Variants in CLVS2 observed in about 807,000 individuals in gnomAD.
The protein encoded by CLVS2 is clavesin-2.
In CLVS2, 19 loss-of-function variants were observed where a neutral mutation model predicts 29.0. That is an observed-to-expected ratio of 0.66 (90% CI 0.46 to 0.96). CLVS2 has a LOEUF of 0.96. CLVS2 is among the 40% of genes least tolerant of loss of function. CLVS2 has a pLI of 0.00. For synonymous variants in CLVS2, 161 were observed against 151.3 expected, an observed-to-expected ratio of 1.06 and a Z score of -0.47; for missense variants, 294 against 404.1, an observed-to-expected ratio of 0.73 and a Z score of 2.34.
At chr6:123,021,548 AT>A (rs1481897623) in intron 3 of CLVS2, among the ~76,000 whole-genome samples, 4 of 152,058 alleles carry the variant, frequency 2.6e-5, no homozygotes, top group Non-Finnish European at 5.9e-5. Context: ...TTACATATAT[AT>A]GATAAATGTT....
At chr6:123,033,548 C>T (rs1401886161) in intron 3 of CLVS2, among the ~76,000 whole-genome samples, 2 of 151,904 alleles carry the variant, frequency 1.3e-5, no homozygotes, top group Non-Finnish European at 2.9e-5. Context: ...AAGCTCAAAC[C>T]TTAGGCAAAA....
chr6:123,058,272 A>G (rs889354083), intron 5 of CLVS2, among the ~76,000 whole-genome samples: 3 of 152,138 alleles, frequency 2.0e-5, no homozygotes, highest in Non-Finnish European at 2.9e-5. Flanking sequence ...AGTCTTTCAC[A>G]CCACTGACAT....
intron 5 of CLVS2, among the ~76,000 whole-genome samples, chr6:123,056,373 C>G (rs914032102): frequency 5.9e-5 from 9 of 152,114 alleles, no homozygotes; most frequent in East Asian, 1.9e-4. Flanking sequence ...ATCCACCCCC[C>G]CAAACCATCC....
chr6:123,028,986 A>G (rs1358043994), intron 3 of CLVS2, among the ~76,000 whole-genome samples: 7 of 152,110 alleles, frequency 4.6e-5, no homozygotes, highest in Admixed American at 3.3e-4. Flanking sequence ...CCCTCATGGT[A>G]AGATTAGTGC....
At chr6:123,043,443 G>A (rs1170747316) in intron 3 of CLVS2, among the ~76,000 whole-genome samples, 3 of 152,038 alleles carry the variant, frequency 2.0e-5, no homozygotes, top group Non-Finnish European at 2.9e-5. Context: ...GGTGCTGGGC[G>A]CTACACCTTA....
chr6:123,048,600 T>C (rs753348030), intron 3 of CLVS2, 22 bp from the exon 4 acceptor site: 16 of 1,536,132 alleles, frequency 1.0e-5, no homozygotes, highest in Non-Finnish European at 1.4e-5. Context: ...TTTTGATTGT[T>C]TTTTTCTCCA....
intron 4 of CLVS2, among the ~76,000 whole-genome samples, chr6:123,052,730 G>T (rs1035469098): frequency 6.6e-6 from 1 of 150,906 alleles, no homozygotes; most frequent in Non-Finnish European, 1.5e-5. Context: ...TGAGAAAGTG[G>T]AAGAATAGTG....
intron 3 of CLVS2, among the ~76,000 whole-genome samples, chr6:123,035,960 G>C (rs1775147836): frequency 6.6e-6 from 1 of 152,134 alleles, no homozygotes; most frequent in South Asian, 2.1e-4. Context: ...TGAAAGGAAA[G>C]ACTGTAGATG....
At chr6:123,019,619 T>A (rs1774892894) in intron 3 of CLVS2, among the ~76,000 whole-genome samples, 1 of 151,918 alleles carries the variant, frequency 6.6e-6, no homozygotes, top group Non-Finnish European at 1.5e-5. Flanking sequence ...TTTCCAAACA[T>A]CCTGAATTTA....
chr6:123,031,198 T>G (rs1440585538), intron 3 of CLVS2, among the ~76,000 whole-genome samples: 1 of 152,130 alleles, frequency 6.6e-6, no homozygotes, highest in Non-Finnish European at 1.5e-5. Flanking sequence ...CTCAAACTCC[T>G]GGGTTCAAGT....
chr6:123,025,511 T>C (rs1562167721), intron 3 of CLVS2, among the ~76,000 whole-genome samples: 1 of 152,082 alleles, frequency 6.6e-6, no homozygotes, highest in African/African-American at 2.4e-5. Context: ...CTGAGTGGTA[T>C]AAAGGGTGAA....
chr6:123,029,841 C>A (rs1191513941), intron 3 of CLVS2, among the ~76,000 whole-genome samples: 1 of 152,196 alleles, frequency 6.6e-6, no homozygotes, highest in African/African-American at 2.4e-5. Context: ...CTTACAAATA[C>A]TGCCTGATGA....
chr6:123,042,726 A>G (rs1775250615), intron 3 of CLVS2, among the ~76,000 whole-genome samples: 1 of 152,182 alleles, frequency 6.6e-6, no homozygotes, highest in Non-Finnish European at 1.5e-5. Flanking sequence ...TTTCGTCAGG[A>G]AGGCAAGTGA....
At chr6:123,023,097 C>T (rs1031107100) in intron 3 of CLVS2, among the ~76,000 whole-genome samples, 10 of 152,030 alleles carry the variant, frequency 6.6e-5, no homozygotes, top group Non-Finnish European at 1.3e-4. Flanking sequence ...TACCTTAACT[C>T]AAAAAGAGTA....
chr6:123,019,969 CT>C (rs11358905), intron 3 of CLVS2, among the ~76,000 whole-genome samples: 143,191 of 151,364 alleles, frequency 0.95, 67,823 homozygotes, highest in East Asian at 1. Flanking sequence ...CTTACTCTGC[CT>C]TTTTTTTTTC....
At chr6:123,023,817 G>C (rs769400278) in intron 3 of CLVS2, among the ~76,000 whole-genome samples, 2 of 152,014 alleles carry the variant, frequency 1.3e-5, no homozygotes, top group African/African-American at 2.4e-5. Context: ...TTTAATTTTG[G>C]ATAGAATACT....
intron 5 of CLVS2, among the ~76,000 whole-genome samples, chr6:123,062,307 A>G (rs1395662416): frequency 1.3e-5 from 2 of 152,170 alleles, no homozygotes; most frequent in African/African-American, 4.8e-5. Flanking sequence ...TGTACTTTAA[A>G]TAAAGATGAT....
Position 122,997,848 on chromosome 6 carries a change from C to T in CLVS2, c.71C>T (p.Pro24Leu). 6.2e-7 allele frequency: 1 copy of T among 1,614,186 alleles called. No individual in the cohort carries two copies. Among genetic ancestry groups the T allele is most frequent in the Non-Finnish European group, 8.5e-7 (1 of 1,180,024 alleles). The change falls in exon 2 of 6, where the codon CCA (proline) becomes CTA (leucine). Residue 24 changes from proline (P) to leucine (L), a missense_variant. This residue lies in a region of CLVS2 where 212 missense variants were observed against 336.4 expected (regional missense o/e 0.63). Transcript: ENST00000275162. ...EKARLELNENPDTLHQDIQEV... is the reference protein window; with the variant it reads ...EKARLELNENLDTLHQDIQEV... Reference sequence around the variant, plus strand: ...GCTCGCCTGGAGCTCAATGAAAACCCAGACACGCTGCACCAGGACATCCAG... The same window carrying T: ...GCTCGCCTGGAGCTCAATGAAAACCTAGACACGCTGCACCAGGACATCCAG...
At chr6:123,015,646 G>A (rs1249758500) in intron 3 of CLVS2, among the ~76,000 whole-genome samples, 1 of 152,052 alleles carries the variant, frequency 6.6e-6, no homozygotes, top group African/African-American at 2.4e-5. Context: ...TAATATAGGT[G>A]AAATTTATTT....
Sources: gnomAD v4.1 joint callset for allele counts (sites outside exome capture counted in the v4.1 genomes callset) on GRCh38, gnomAD v4.1.1 for gene constraint, gnomAD v4.1.1 regional missense constraint, MANE v1.5 for transcripts, NCBI Gene and HGNC (gene_info 2026-07-23, HGNC 2026-07-21) for gene names.